Variants in TRIP11 observed in about 807,000 individuals in gnomAD.
TRIP11 encodes thyroid receptor-interacting protein 11.
In TRIP11, 148 loss-of-function variants were observed where a neutral mutation model predicts 223.1. That is an observed-to-expected ratio of 0.66 (90% CI 0.58 to 0.76). The LOEUF (loss-of-function observed/expected upper bound fraction) is 0.76, where lower values mean the gene tolerates loss of function less well. TRIP11 is among the 30% of genes least tolerant of loss of function. The probability of loss-of-function intolerance (pLI) is 0.00; values close to 1 mark genes in which losing one functional copy is unlikely to be tolerated. For synonymous variants in TRIP11, 762 were observed against 772.6 expected (o/e 0.99, Z 0.23); for missense variants, 2,043 against 2,222.0 (o/e 0.92, Z 1.62).
At chr14:92,027,812 T>C (rs1319579401) in intron 2 of TRIP11, among the ~76,000 whole-genome samples, 2 of 152,244 alleles carry the variant, frequency 1.3e-5, no homozygotes, top group African/African-American at 4.8e-5. Context: ...TAGGAACTTC[T>C]GATGTCAACA....
intron 16 of TRIP11, among the ~76,000 whole-genome samples, chr14:91,984,591 C>T (rs979080990): frequency 1.3e-5 from 2 of 152,178 alleles, no homozygotes; most frequent in African/African-American, 4.8e-5. Flanking sequence ...GCTGGGATTA[C>T]AGGTGTGAGC....
chr14:91,973,414 T>A (rs1389405616), intron 19 of TRIP11, among the ~76,000 whole-genome samples: 2 of 152,160 alleles, frequency 1.3e-5, no homozygotes, highest in Non-Finnish European at 2.9e-5. Flanking sequence ...TTCTAACACC[T>A]CATGGTCAGA....
At chr14:91,972,678 A>C in intron 20 of TRIP11, 39 bp downstream of exon 20, 1 of 1,576,658 alleles carries the variant, frequency 6.3e-7, no homozygotes. Context: ...TTAAACATTC[A>C]ATTTTCAAAT....
chr14:91,991,388 T>C (rs1197574611), intron 15 of TRIP11, among the ~76,000 whole-genome samples: 1 of 152,190 alleles, frequency 6.6e-6, no homozygotes, highest in Non-Finnish European at 1.5e-5. Context: ...GTCTGTGGTA[T>C]TCTATTGTAT....
chr14:91,966,840 G>A lies in TRIP11; in HGVS notation c.*2833C>T, dbSNP rs115409540. 956 of 219,276 alleles carry A rather than the reference G, an allele frequency of 4.4e-3. 8 individuals carry two copies. The highest frequency in any genetic ancestry group is 0.02 in the African/African-American group (876 of 44,672). The allele number at this position is 219,276 out of a possible 1,614,324, so 13.6% of individuals were successfully genotyped here. On this transcript the variant is annotated 3_prime_UTR_variant, in exon 21 of 21. Coordinates refer to ENST00000267622, the MANE Select transcript of TRIP11 (RefSeq NM_004239.4). ...GAATGTGGTAAAAAACTATGGCAGCGAAGGTGGAATTCAACCACAAATTCT... is the reference window on the plus strand; with the variant it reads ...GAATGTGGTAAAAAACTATGGCAGCAAAGGTGGAATTCAACCACAAATTCT...
Position 92,011,785 on chromosome 14 carries a change from A to T in TRIP11, c.1197T>A (p.Asn399Lys). 6.2e-7 allele frequency: 1 copy of T among 1,611,914 alleles called. No individual in the cohort carries two copies. The highest frequency in any genetic ancestry group is 1.1e-5 in the South Asian group (1 of 91,040). Residue 399 changes from asparagine (N) to lysine (K), a missense_variant, in exon 8 of 21, where the codon AAT (asparagine) becomes AAA (lysine). Physicochemically the swap from Asn to Lys is moderately conservative, Grantham distance 94. Transcript: ENST00000267622. Reference sequence around the variant, plus strand: ...TTAAACTACTCAATCTCATTATTTCATTTTCGGCATCTGTAAAAACAGCAA... The same window carrying T: ...TTAAACTACTCAATCTCATTATTTCTTTTTCGGCATCTGTAAAAACAGCAA... ...RLQQALSDAE[N>K]EIMRLSSLNQ...
intron 2 of TRIP11, among the ~76,000 whole-genome samples, chr14:92,028,098 T>C (rs1566873879): frequency 1.3e-5 from 2 of 152,372 alleles, no homozygotes; most frequent in African/African-American, 2.4e-5. Context: ...TATAATATAC[T>C]GAAGTCAAAC....
intron 11 of TRIP11, among the ~76,000 whole-genome samples, chr14:92,002,763 T>C (rs147822290): frequency 0.01 from 1,593 of 152,054 alleles, 29 homozygotes; most frequent in African/African-American, 0.036. Flanking sequence ...TTTTTTTTAG[T>C]AGAGTCGGGG....
In TRIP11 at chr14:92,006,260, A is replaced by AT; in HGVS notation, c.1715dup (p.Asn572LysfsTer2). On this transcript the variant is annotated frameshift_variant, in exon 11 of 21. Coordinates refer to ENST00000267622, the MANE Select transcript of TRIP11 (RefSeq NM_004239.4). LOFTEE classifies it high-confidence loss of function. The stretch of plus-strand genomic sequence containing the variant: ...GTTTCTGCTTGGTTAAATGTAAATC[A>AT]TTTAGGGCCACTTCACTTTGAATTA... 1 of 1,612,234 alleles carries AT rather than the reference A, an allele frequency of 6.2e-7. No individual in the cohort carries two copies. The highest frequency in any genetic ancestry group is 8.5e-7 in the Non-Finnish European group (1 of 1,179,424).
At chr14:92,011,218 C>T (rs1347781420) in intron 8 of TRIP11, 146 bp from the exon 9 acceptor site, 17 of 774,740 alleles carry the variant, frequency 2.2e-5, no homozygotes, top group South Asian at 1.3e-4. Flanking sequence ...TGGCCAGACA[C>T]GGTGGCTCAT....
Position 91,968,405 on chromosome 14 carries a change from T to A in TRIP11, c.*1268A>T, listed in dbSNP as rs1595361523. ...TAAGTTTCAAACATCTGGGTACTGG[T>A]GCTATCAAAGTGATTTCACTGCCCT... is the stretch of plus-strand genomic sequence containing the variant. On this transcript the variant is annotated 3_prime_UTR_variant, in exon 21 of 21. Transcript: ENST00000267622. 1 of 208,138 alleles carries A rather than the reference T, an allele frequency of 4.8e-6. No individual in the cohort carries two copies. The highest frequency in any genetic ancestry group is 1.6e-3 in the Middle Eastern group (1 of 624). 12.9% of individuals were successfully genotyped at this position (208,138 alleles called of 1,614,324 possible).
intron 9 of TRIP11, among the ~76,000 whole-genome samples, chr14:92,009,587 A>C (rs1278389366): frequency 6.9e-6 from 1 of 145,106 alleles, no homozygotes; most frequent in Non-Finnish European, 1.5e-5. Flanking sequence ...TATATATAAT[A>C]TAGTAATTTT....
chr14:92,015,632 T>C (rs2057026156), intron 6 of TRIP11, 64 bp downstream of exon 6: 8 of 1,406,176 alleles, frequency 5.7e-6, no homozygotes, highest in Non-Finnish European at 7.7e-6. Flanking sequence ...CACTCCAGCC[T>C]GGGCAACAGA....
intron 7 of TRIP11, 46 bp downstream of exon 7, chr14:92,014,169 T>C (rs1390442899): frequency 6.2e-7 from 1 of 1,612,364 alleles, no homozygotes; most frequent in East Asian, 2.2e-5. Context: ...AAACAACTAC[T>C]ATGCAATGAA....
intron 6 of TRIP11, among the ~76,000 whole-genome samples, chr14:92,015,030 A>C (rs1002441999): frequency 6.6e-6 from 1 of 151,712 alleles, no homozygotes; most frequent in African/African-American, 2.4e-5. Flanking sequence ...CAGCCTCCTG[A>C]GTAGCTGGGA....
intron 2 of TRIP11, chr14:92,026,950 C>T (rs2057196594): frequency 9.1e-7 from 1 of 1,104,238 alleles, no homozygotes; most frequent in South Asian, 1.3e-5. Flanking sequence ...CCCTCCACTT[C>T]CCCTCTCAGA....
intron 7 of TRIP11, among the ~76,000 whole-genome samples, chr14:92,012,384 C>T (rs556380504): frequency 2.0e-5 from 3 of 152,152 alleles, no homozygotes; most frequent in African/African-American, 7.2e-5. Context: ...AGGCCAGGTG[C>T]TAGACAAAAA....
At chr14:92,029,972 C>A (rs1566874945) in intron 2 of TRIP11, among the ~76,000 whole-genome samples, 1 of 151,774 alleles carries the variant, frequency 6.6e-6, no homozygotes, top group African/African-American at 2.4e-5. Flanking sequence ...CCGAGGCGGG[C>A]GGATCACGAG....
chr14:92,035,929 T>C (rs1248679068), intron 1 of TRIP11, among the ~76,000 whole-genome samples: 1 of 152,182 alleles, frequency 6.6e-6, no homozygotes, highest in Non-Finnish European at 1.5e-5. Context: ...TGAATTTGTG[T>C]TGGGTCTCAT....
Sources: gnomAD v4.1 joint callset for allele counts (sites outside exome capture counted in the v4.1 genomes callset) on GRCh38, gnomAD v4.1.1 for gene constraint, MANE v1.5 for transcripts, NCBI Gene and HGNC (gene_info 2026-07-23, HGNC 2026-07-21) for gene names.